The following KCNMB2 variants were observed in gnomAD, a reference collection of about 807,000 sequenced individuals.
KCNMB2 encodes potassium calcium-activated channel subfamily M regulatory beta subunit 2, also known as calcium-activated potassium channel subunit beta-2.
KCNMB2 carries 9 observed loss-of-function variants against 24.5 expected under a neutral mutation model. The observed-to-expected ratio is 0.37, with a 90% CI of 0.22 to 0.64. KCNMB2 has a LOEUF of 0.64. KCNMB2 is among the 30% of genes least tolerant of loss of function. KCNMB2 has a pLI of 0.63. For synonymous variants in KCNMB2, 109 were observed against 104.4 expected, an observed-to-expected ratio of 1.04 and a Z score of -0.27; for missense variants, 226 against 284.3, an observed-to-expected ratio of 0.79 and a Z score of 1.47.
chr3:178,555,458 G>A (rs948744192), intron 1 of KCNMB2, among the ~76,000 whole-genome samples: 5 of 152,126 alleles, frequency 3.3e-5, no homozygotes, highest in African/African-American at 1.2e-4. Flanking sequence ...CTATAAAATG[G>A]GTGCTCATAA....
intron 1 of KCNMB2, among the ~76,000 whole-genome samples, chr3:178,580,089 T>C (rs529450145): frequency 1.3e-5 from 2 of 152,166 alleles, no homozygotes; most frequent in South Asian, 4.1e-4. Flanking sequence ...CAGGCCAATA[T>C]CAGGCCTGAT....
intron 1 of KCNMB2, among the ~76,000 whole-genome samples, chr3:178,621,684 A>G (rs747778598): frequency 6.6e-6 from 1 of 152,144 alleles, no homozygotes; most frequent in Non-Finnish European, 1.5e-5. Context: ...TGTGAGATAA[A>G]TTACTCTGTT....
chr3:178,640,922 C>A (rs1457192756), intron 1 of KCNMB2, among the ~76,000 whole-genome samples: 1 of 151,992 alleles, frequency 6.6e-6, no homozygotes, highest in African/African-American at 2.4e-5. Context: ...TATGGAGATC[C>A]AATTGGTCTA....
chr3:178,797,913 C>A (rs1392969907), intron 1 of KCNMB2, among the ~76,000 whole-genome samples: 1 of 151,244 alleles, frequency 6.6e-6, no homozygotes, highest in Non-Finnish European at 1.5e-5. Context: ...AATGGGAGTT[C>A]ATTTATGATT....
intron 1 of KCNMB2, among the ~76,000 whole-genome samples, chr3:178,607,440 A>C: frequency 6.6e-6 from 1 of 152,276 alleles, no homozygotes; most frequent in East Asian, 1.9e-4. Flanking sequence ...CTCTGATTAC[A>C]ACAACCTGTT....
intron 1 of KCNMB2, among the ~76,000 whole-genome samples, chr3:178,571,395 G>A (rs1276207957): frequency 7.1e-6 from 1 of 141,418 alleles, no homozygotes; most frequent in African/African-American, 2.6e-5. Context: ...AAATAAAATA[G>A]AAGGAATATT....
intron 1 of KCNMB2, among the ~76,000 whole-genome samples, chr3:178,572,457 C>T (rs577363525): frequency 6.6e-6 from 1 of 152,182 alleles, no homozygotes; most frequent in Non-Finnish European, 1.5e-5. Context: ...TATCAAGAAT[C>T]TCCAACATAT....
At chr3:178,621,303 G>T (rs1718912185) in intron 1 of KCNMB2, among the ~76,000 whole-genome samples, 1 of 151,732 alleles carries the variant, frequency 6.6e-6, no homozygotes, top group Non-Finnish European at 1.5e-5. Flanking sequence ...TAGCTATTCT[G>T]GCCTTTTCTC....
At chr3:178,710,563 G>A (rs1722418972) in intron 1 of KCNMB2, among the ~76,000 whole-genome samples, 1 of 152,028 alleles carries the variant, frequency 6.6e-6, no homozygotes, top group South Asian at 2.1e-4. Context: ...GTTTATAGAG[G>A]GCTATAACTA....
At chr3:178,799,279 A>G (rs531996122) in intron 1 of KCNMB2, among the ~76,000 whole-genome samples, 1 of 152,214 alleles carries the variant, frequency 6.6e-6, no homozygotes, top group East Asian at 1.9e-4. Flanking sequence ...ACTTGGAAAA[A>G]CCTAAAGACT....
intron 1 of KCNMB2, among the ~76,000 whole-genome samples, chr3:178,789,672 G>A (rs1232202481): frequency 6.6e-6 from 1 of 152,062 alleles, no homozygotes; most frequent in Non-Finnish European, 1.5e-5. Flanking sequence ...CAACATGGGG[G>A]CAGAACCCAG....
chr3:178,773,925 C>T (rs979084866), intron 1 of KCNMB2, among the ~76,000 whole-genome samples: 1 of 152,214 alleles, frequency 6.6e-6, no homozygotes, highest in African/African-American at 2.4e-5. Context: ...CAAAATGTGA[C>T]ACACTGGGTA....
intron 1 of KCNMB2, among the ~76,000 whole-genome samples, chr3:178,586,759 C>T (rs774888083): frequency 4.6e-5 from 7 of 151,518 alleles, no homozygotes; most frequent in Non-Finnish European, 1.5e-5. Flanking sequence ...TGGTCAGGCT[C>T]GTCTCGAACT....
intron 1 of KCNMB2, among the ~76,000 whole-genome samples, chr3:178,655,426 T>A (rs1196943051): frequency 3.3e-5 from 5 of 151,984 alleles, no homozygotes; most frequent in Non-Finnish European, 7.4e-5. Context: ...GATAAAGGAA[T>A]TGGAAATAAA....
intron 1 of KCNMB2, among the ~76,000 whole-genome samples, chr3:178,684,355 T>G (rs1357327190): frequency 1.0e-4 from 14 of 137,308 alleles, no homozygotes; most frequent in Non-Finnish European, 1.4e-4. Flanking sequence ...GGAGAGGAAA[T>G]GGGGAGATGT....
intron 1 of KCNMB2, among the ~76,000 whole-genome samples, chr3:178,783,777 C>G (rs1189007582): frequency 1.3e-5 from 2 of 152,054 alleles, no homozygotes; most frequent in South Asian, 2.1e-4. Context: ...AATTGAATAC[C>G]CTTTATTTCC....
At chr3:178,610,444 G>C (rs1718442018) in intron 1 of KCNMB2, among the ~76,000 whole-genome samples, 1 of 151,984 alleles carries the variant, frequency 6.6e-6, no homozygotes, top group African/African-American at 2.4e-5. Flanking sequence ...GCGTTTTACA[G>C]TTTTCATTAT....
At chr3:178,822,942 C>A (rs1040866572) in intron 2 of KCNMB2, among the ~76,000 whole-genome samples, 12 of 152,166 alleles carry the variant, frequency 7.9e-5, no homozygotes, top group Non-Finnish European at 1.5e-4. Flanking sequence ...CTTCTATCTG[C>A]AGGAAATTCA....
chr3:178,585,701 A>C (rs1717401907), intron 1 of KCNMB2, among the ~76,000 whole-genome samples: 1 of 152,206 alleles, frequency 6.6e-6, no homozygotes. Flanking sequence ...CCAGAGACTT[A>C]GGCATCTGAT....
Sources: gnomAD v4.1 joint callset for allele counts (sites outside exome capture counted in the v4.1 genomes callset) on GRCh38, gnomAD v4.1.1 for gene constraint, MANE v1.5 for transcripts, NCBI Gene and HGNC (gene_info 2026-07-23, HGNC 2026-07-21) for gene names.